PSIP1: variants seen among roughly 807,000 people sequenced by gnomAD.
The protein encoded by PSIP1 is PC4 and SFRS1-interacting protein.
PSIP1 carries 19 observed loss-of-function variants against 74.7 expected under a neutral mutation model. The observed-to-expected ratio is 0.25, with a 90% confidence interval of 0.18 to 0.37. The LOEUF (loss-of-function observed/expected upper bound fraction) is 0.37. PSIP1 is among the 10% of genes least tolerant of loss of function. The pLI is 1.00. For synonymous variants in PSIP1, 222 were observed against 195.3 expected, an observed-to-expected ratio of 1.14 and a Z score of -1.14; for missense variants, 601 against 614.3, an observed-to-expected ratio of 0.98 and a Z score of 0.23.
At chr9:15,501,495 C>A (rs576646576) in intron 3 of PSIP1, among the ~76,000 whole-genome samples, 1 of 152,006 alleles carries the variant, frequency 6.6e-6, no homozygotes, top group South Asian at 2.1e-4. Context: ...GAAGGCATAA[C>A]CTTCCCCGCA....
intron 8 of PSIP1, among the ~76,000 whole-genome samples, chr9:15,475,118 A>C (rs1206991538): frequency 6.6e-6 from 1 of 152,220 alleles, no homozygotes; most frequent in East Asian, 1.9e-4. Flanking sequence ...CTGACCACTT[A>C]AGAACTATTA....
Position 15,469,929 on chromosome 9 carries a change from ATAAC to A in PSIP1, c.1033+5_1033+8del, listed in dbSNP as rs2035759921. ...AATTTTATGTATCTTAGAAAGTGAAATAACTAACCTCGCTTCTTCTCCACTTTCT... is the reference window on the plus strand; with the variant it reads ...AATTTTATGTATCTTAGAAAGTGAAATAACCTCGCTTCTTCTCCACTTTCT... On this transcript the variant is annotated splice_donor_5th_base_variant and intron_variant, in intron 11 of 15. Coordinates refer to ENST00000380733, the MANE Select transcript of PSIP1 (RefSeq NM_033222.5). 1 of 1,601,706 alleles carries A rather than the reference ATAAC, an allele frequency of 6.2e-7. No individual in the cohort carries two copies. Among genetic ancestry groups the A allele is most frequent in the Non-Finnish European group, 8.5e-7 (1 of 1,172,658 alleles).
intron 10 of PSIP1, 98 bp from the exon 11 acceptor site, chr9:15,470,091 A>C: frequency 2.2e-6 from 2 of 929,600 alleles, no homozygotes; most frequent in Non-Finnish European, 3.4e-6. Context: ...CCTTAAAATA[A>C]GTCAATAGCC....
chr9:15,468,568 A>G lies in PSIP1; in HGVS notation c.1420+62T>C, dbSNP rs1407483124. ...GAAACTATGTATGAAAGCCATTTTT[A>G]AAAGCAGTCCTGGCAAATGGTTTAA... On this transcript the variant is annotated intron_variant, in intron 14 of 15. Transcript: ENST00000380733. 5.2e-6 allele frequency: 8 copies of G among 1,539,348 alleles called. No homozygotes were observed. The East Asian group carries it at 1.8e-4, about 35-fold the overall frequency.
chr9:15,490,178 T>C lies in PSIP1; in HGVS notation c.150-54A>G, dbSNP rs550227552. ...GCAAAGCAAGCTCAAATACATAATT[T>C]ATTAGATAAGACACCCTATTACACA... On this transcript the variant is annotated intron_variant, in intron 3 of 15. Coordinates refer to ENST00000380733, the MANE Select transcript of PSIP1 (RefSeq NM_033222.5). 329 of 1,453,904 alleles carry C rather than the reference T, an allele frequency of 2.3e-4. 3 individuals are homozygous for C. The highest frequency in any genetic ancestry group is 8.8e-4 in the South Asian group (59 of 66,774). The allele number at this position is 1,453,904 out of a possible 1,614,324, so 90.1% of individuals were successfully genotyped here.
intron 11 of PSIP1, 123 bp downstream of exon 11, chr9:15,469,815 G>A (rs2035756785): frequency 1.2e-6 from 1 of 801,532 alleles, no homozygotes; most frequent in Non-Finnish European, 1.9e-6. Flanking sequence ...TTAGGGATTT[G>A]AAAAATTCTA....
At chr9:15,486,133 A>G in intron 5 of PSIP1, 65 bp from the exon 6 acceptor site, 5 of 1,357,024 alleles carry the variant, frequency 3.7e-6, no homozygotes, top group Non-Finnish European at 5.1e-6. Flanking sequence ...AAACCTTGTT[A>G]AACTAAAAGT....
At chr9:15,473,875 TA>T in intron 9 of PSIP1, 133 bp downstream of exon 9, 1 of 613,180 alleles carries the variant, frequency 1.6e-6, no homozygotes, top group Non-Finnish European at 2.4e-6. Context: ...CACTCCAGCC[TA>T]AGCAACACAG....
rs768978089 is a variant in PSIP1 at position 15,465,487 on chromosome 9, C to T, written c.*33G>A. On this transcript the variant is annotated 3_prime_UTR_variant, in exon 16 of 16. Coordinates refer to ENST00000380733, the MANE Select transcript of PSIP1 (RefSeq NM_033222.5). ...TTCAAATGAAAACCATTACAAACTT[C>T]TCAAGTGTTCTCTATATTCCAGGTA... The T allele has an allele frequency of 6.7e-7, 1 of 1,482,040 alleles. No homozygotes were observed. Among genetic ancestry groups the T allele is most frequent in the East Asian group, 2.3e-5 (1 of 43,026 alleles). 91.8% of individuals were successfully genotyped at this position (1,482,040 alleles called of 1,614,324 possible).
intron 15 of PSIP1, 88 bp downstream of exon 15, chr9:15,466,660 A>C: frequency 9.9e-7 from 1 of 1,010,536 alleles, no homozygotes; most frequent in Non-Finnish European, 1.4e-6. Flanking sequence ...ATAACTGCTT[A>C]TTATAGTAAG....
In PSIP1 at chr9:15,465,147, C is replaced by A. The variant is rs1221979050; in HGVS notation, c.*373G>T. ...AGGTTTGTAAAAACTATGCACAAAA[C>A]CCACAGTATTTGGGAAAAGAGGCAA... On this transcript the variant is annotated 3_prime_UTR_variant, in exon 16 of 16. Transcript: ENST00000380733. 2 of 236,310 alleles carry A rather than the reference C, an allele frequency of 8.5e-6. No homozygotes were observed. The highest frequency in any genetic ancestry group is 1.7e-5 in the Non-Finnish European group (2 of 120,530). 14.6% of individuals were successfully genotyped at this position (236,310 alleles called of 1,614,324 possible).
At chr9:15,503,157 A>ACT (rs1563898951) in intron 3 of PSIP1, among the ~76,000 whole-genome samples, 1 of 152,164 alleles carries the variant, frequency 6.6e-6, no homozygotes, top group Non-Finnish European at 1.5e-5. Context: ...ACTTGAGGTC[A>ACT]GGAGTTTGAG....
chr9:15,488,994 C>T (rs2036699888), intron 4 of PSIP1, among the ~76,000 whole-genome samples: 1 of 152,148 alleles, frequency 6.6e-6, no homozygotes, highest in African/African-American at 2.4e-5. Context: ...GCACCCCAGC[C>T]TGGGCGACAG....
At chr9:15,471,989 G>GACAAAATGTAATA in intron 10 of PSIP1, 1 of 974,302 alleles carries the variant, frequency 1.0e-6, no homozygotes, top group Non-Finnish European at 1.2e-6. Context: ...ATAAAGACAC[G>GACAAAATGTAATA]AAGTCTGTTC....
chr9:15,468,440 C>T (rs1359595885), intron 14 of PSIP1, 190 bp downstream of exon 14: 3 of 773,944 alleles, frequency 3.9e-6, no homozygotes, highest in Admixed American at 3.4e-5. Flanking sequence ...TATAAACTGA[C>T]ATGATTTTTT....
At chr9:15,491,644 C>T (rs775094832) in intron 3 of PSIP1, among the ~76,000 whole-genome samples, 1 of 152,088 alleles carries the variant, frequency 6.6e-6, no homozygotes, top group Non-Finnish European at 1.5e-5. Context: ...GTCAGAAATC[C>T]ATTTAAGTAA....
At chr9:15,471,992 G>C (rs1306349766) in intron 10 of PSIP1, 2 of 973,940 alleles carry the variant, frequency 2.1e-6, no homozygotes, top group Non-Finnish European at 2.4e-6. Context: ...AAGACACGAA[G>C]TCTGTTCATT....
At chr9:15,498,730 A>G (rs2037198274) in intron 3 of PSIP1, among the ~76,000 whole-genome samples, 1 of 152,178 alleles carries the variant, frequency 6.6e-6, no homozygotes, top group African/African-American at 2.4e-5. Context: ...CAAATACCAA[A>G]AAATTGTAAG....
chr9:15,509,989 G>A, intron 2 of PSIP1, 128 bp downstream of exon 2: 1 of 901,800 alleles, frequency 1.1e-6, no homozygotes, highest in Non-Finnish European at 1.6e-6. Context: ...AAAATGAAAG[G>A]TCAGGTTACA....
Sources: allele counts gnomAD v4.1 joint callset (sites outside exome capture counted in the v4.1 genomes callset), GRCh38; gene constraint gnomAD v4.1.1; transcripts MANE v1.5; gene names NCBI Gene and HGNC (gene_info 2026-07-23, HGNC 2026-07-21).